The following KIF1C variants were observed in gnomAD, a reference collection of about 807,000 sequenced individuals.
KIF1C encodes the protein kinesin-like protein KIF1C.
KIF1C carries 61 observed loss-of-function variants against 126.5 expected under a neutral mutation model. That is an observed-to-expected ratio of 0.48 (90% confidence interval 0.39 to 0.60). KIF1C has a LOEUF of 0.60. Ranked by LOEUF, KIF1C falls within the 20% of genes least tolerant of loss-of-function variation. The pLI is 0.00. For synonymous variants in KIF1C, 640 were observed against 580.6 expected, an observed-to-expected ratio of 1.10 and a Z score of -1.47; for missense variants, 1,315 against 1,489.2, an observed-to-expected ratio of 0.88 and a Z score of 1.93.
chr17:5,020,348 G>T lies in KIF1C; in HGVS notation c.1751-144G>T. The T allele has an allele frequency of 4.5e-6, 4 of 882,202 alleles. No homozygotes were observed. The highest frequency in any genetic ancestry group is 6.9e-6 in the Non-Finnish European group (4 of 583,212). 54.6% of individuals were successfully genotyped at this position (882,202 alleles called of 1,614,324 possible). A position where few individuals can be genotyped will look rare whatever the true frequency, so the allele number is the denominator to read the frequency against. On this transcript the variant is annotated intron_variant, in intron 19 of 22. Coordinates refer to ENST00000320785, the MANE Select transcript of KIF1C (RefSeq NM_006612.6). The surrounding 1 kb of genome is among the most constrained non-coding windows in gnomAD (Gnocchi z 5.8). ...TGGTCCCTGGGTGTCAGCCAGGGGA[G>T]CATAGGCTCCAACTGCCTTCAGACT... is the stretch of plus-strand genomic sequence containing the variant.
At chr17:5,014,048 C>T (rs549089473) in intron 17 of KIF1C, 2 of 337,694 alleles carry the variant, frequency 5.9e-6, no homozygotes. Flanking sequence ...GGGGCCTTCC[C>T]TGGGGGCGGG....
intron 1 of KIF1C, 55 bp downstream of exon 1, chr17:4,998,211 T>C (rs1974438206): frequency 6.6e-6 from 1 of 151,778 alleles, no homozygotes; most frequent in Non-Finnish European, 1.5e-5. Flanking sequence ...TGTGCCGGGT[T>C]GGGGGGCGGG....
chr17:5,018,822 T>A (rs1975032025), intron 18 of KIF1C, among the ~76,000 whole-genome samples: 1 of 152,214 alleles, frequency 6.6e-6, no homozygotes, highest in Non-Finnish European at 1.5e-5. Flanking sequence ...ATTTTTTGTT[T>A]TATATCACCA....
intron 16 of KIF1C, among the ~76,000 whole-genome samples, chr17:5,011,156 T>A (rs1173582652): frequency 6.6e-6 from 1 of 152,194 alleles, no homozygotes; most frequent in East Asian, 1.9e-4. Context: ...GATGAACTCT[T>A]CTCATGTTTA....
Position 5,000,846 on chromosome 17 carries a change from T to G in KIF1C, c.181T>G (p.Ser61Ala). The change falls in exon 4 of 23, where the codon TCG becomes GCG. Residue 61 changes from serine (S) to alanine (A), a missense_variant and splice_region_variant. Physicochemically the swap from Ser to Ala is moderately conservative, Grantham distance 99. Coordinates refer to ENST00000320785, the MANE Select transcript of KIF1C (RefSeq NM_006612.6). ...TFDYSYWSHT[S>A]TEDPQFASQQ... ...TGACTACTCCTACTGGTCACACACT[T>G]CGGTGGGTTGTTGGGCTGGGGGAAG... 1.2e-6 allele frequency: 2 copies of G among 1,613,698 alleles called. No homozygotes were observed. Among genetic ancestry groups the G allele is most frequent in the South Asian group, 1.1e-5 (1 of 91,056 alleles).
intron 5 of KIF1C, 53 bp from the exon 6 acceptor site, chr17:5,002,006 T>G (rs1974605851): frequency 6.5e-7 from 1 of 1,544,136 alleles, no homozygotes; most frequent in South Asian, 1.1e-5. Flanking sequence ...GCTGGACACT[T>G]TAGGTGTGCC....
chr17:5,005,116 A>G, intron 13 of KIF1C, 116 bp downstream of exon 13: 1 of 1,300,370 alleles, frequency 7.7e-7, no homozygotes, highest in South Asian at 1.3e-5. Context: ...GAAACCTTTC[A>G]TGTGCTCAGT....
rs1421696497 is a variant in KIF1C, at chr17:5,026,738, CTCAA to C, written c.*2588_*2591del. ...CTGGCCTGGGCAAGAGTGGGACTCT[CTCAA>C]AAAAAAAAAAAAAAAAAAATCCACA... On this transcript the variant is annotated 3_prime_UTR_variant, in exon 23 of 23. Coordinates refer to ENST00000320785, the MANE Select transcript of KIF1C (RefSeq NM_006612.6). The C allele has an allele frequency of 1.9e-5, 1 of 52,958 alleles. No individual in the cohort carries two copies. Among genetic ancestry groups the C allele is most frequent in the African/African-American group, 8.6e-5 (1 of 11,562 alleles). 3.3% of individuals were successfully genotyped at this position (52,958 alleles called of 1,614,324 possible).
intron 18 of KIF1C, among the ~76,000 whole-genome samples, chr17:5,015,643 G>A (rs1322173350): frequency 7.2e-6 from 1 of 139,490 alleles, no homozygotes; most frequent in Non-Finnish European, 1.5e-5. Flanking sequence ...TTTCCCCCAG[G>A]CTGGAGTGCA....
At chr17:5,002,972 G>C (rs1351415105) in intron 8 of KIF1C, 130 bp downstream of exon 8, 5 of 670,092 alleles carry the variant, frequency 7.5e-6, no homozygotes, top group South Asian at 1.7e-5. Flanking sequence ...GGACTACCAT[G>C]ACCGCGCCCC....
chr17:5,022,098 G>T lies in KIF1C; in HGVS notation c.2017G>T (p.Asp673Tyr). The T allele has an allele frequency of 1.2e-6, 2 of 1,601,612 alleles. No homozygotes were observed. The highest frequency in any genetic ancestry group is 1.1e-5 in the South Asian group (1 of 90,362). ...LLLEQQRLYA[D>Y]SDSGDDSDKR... is the part of the protein sequence containing the mutation. The stretch of plus-strand genomic sequence containing the variant: ...TTTCTTTCTCTGGCCCCAGTATGCA[G>T]ACTCGGACAGCGGGGATGACTCTGA... Residue 673 changes from aspartate (D) to tyrosine (Y), a missense_variant, in exon 22 of 23, where the codon GAC (aspartate) becomes TAC (tyrosine). Physicochemically the swap from Asp to Tyr is radical, Grantham distance 160. Around this residue, in one of 2 missense-constraint regions of KIF1C, gnomAD observed 874 missense variants for 1,053.2 expected, o/e 0.83. Coordinates refer to ENST00000320785, the MANE Select transcript of KIF1C (RefSeq NM_006612.6). The surrounding 1 kb of genome is among the most constrained non-coding windows in gnomAD (Gnocchi z 4.9).
intron 16 of KIF1C, chr17:5,011,452 T>C (rs1436672442): frequency 6.6e-6 from 1 of 152,250 alleles, no homozygotes; most frequent in Non-Finnish European, 1.5e-5. Context: ...GCTTCTTGCT[T>C]ATCTGCTTGA....
intron 16 of KIF1C, chr17:5,011,822 T>A (rs1163552307): frequency 1.3e-5 from 2 of 152,282 alleles, no homozygotes; most frequent in East Asian, 3.9e-4. Context: ...ACCCTGTGCT[T>A]TCTGCCTCCA....
At chr17:5,015,306 G>T (rs1229305210) in intron 18 of KIF1C, among the ~76,000 whole-genome samples, 7 of 151,800 alleles carry the variant, frequency 4.6e-5, no homozygotes, top group Non-Finnish European at 1.0e-4. Context: ...TTTTGAGACG[G>T]AGTGTTCGCT....
At position 5,027,823 on chromosome 17, in the gene KIF1C, T is replaced by A. The variant is rs1975234063; in HGVS notation, c.*3672T>A. 6.6e-6 allele frequency: 1 copy of A among 152,066 alleles called. No homozygotes were observed. Among genetic ancestry groups the A allele is most frequent in the African/African-American group, 2.4e-5 (1 of 41,394 alleles). The allele number at this position is 152,066 out of a possible 1,614,324, so 9.4% of individuals were successfully genotyped here. On this transcript the variant is annotated 3_prime_UTR_variant, in exon 23 of 23. Transcript: ENST00000320785. Reference sequence around the variant, plus strand: ...ACAAGACCCTGTCTCTACAAAAATATATAAATTAGCCGGGTGTACTGGCTC... The same window carrying A: ...ACAAGACCCTGTCTCTACAAAAATAAATAAATTAGCCGGGTGTACTGGCTC...
chr17:5,018,519 G>A (rs1374363018), intron 18 of KIF1C, among the ~76,000 whole-genome samples: 4 of 151,604 alleles, frequency 2.6e-5, no homozygotes, highest in Admixed American at 1.3e-4. Context: ...GAGAAACCCC[G>A]TCTCTACTAA....
chr17:5,002,928 C>A, intron 8 of KIF1C, 86 bp downstream of exon 8: 6 of 1,087,828 alleles, frequency 5.5e-6, no homozygotes, highest in Non-Finnish European at 8.2e-6. Context: ...GGTCTTGGGC[C>A]CTCCCTGCCC....
At chr17:5,005,590 T>C (rs1192269995) in intron 13 of KIF1C, among the ~76,000 whole-genome samples, 1 of 152,140 alleles carries the variant, frequency 6.6e-6, no homozygotes, top group Non-Finnish European at 1.5e-5. Context: ...ATAAGGTAGC[T>C]AGTGATGTTT....
chr17:4,998,534 C>T (rs1013668030), intron 1 of KIF1C, among the ~76,000 whole-genome samples: 1 of 152,216 alleles, frequency 6.6e-6, no homozygotes, highest in Non-Finnish European at 1.5e-5. Context: ...TCCCTTACCC[C>T]GCTGGCCCCC....
Sources: gnomAD v4.1 joint callset for allele counts (sites outside exome capture counted in the v4.1 genomes callset) on GRCh38, gnomAD v4.1.1 for gene constraint, gnomAD v4.1.1 regional missense constraint, Gnocchi (gnomAD v3.1) non-coding constraint, MANE v1.5 for transcripts, NCBI Gene and HGNC (gene_info 2026-07-23, HGNC 2026-07-21) for gene names.